The following CTNNA3 variants were observed in gnomAD, a reference collection of about 807,000 sequenced individuals.
The protein encoded by CTNNA3 is catenin alpha-3.
In CTNNA3, 76 loss-of-function variants were observed where a neutral mutation model predicts 95.7. The ratio of observed to expected loss-of-function variants is 0.79; its 90% CI spans 0.66 to 0.96. The LOEUF (loss-of-function observed/expected upper bound fraction) is 0.96. Among genes scored for constraint, CTNNA3 ranks in the 40% least tolerant of loss-of-function variants. The pLI, the probability that CTNNA3 is intolerant of heterozygous loss-of-function variation, is 0.00. For synonymous variants in CTNNA3, 431 were observed against 374.4 expected, an observed-to-expected ratio of 1.15 and a Z score of -1.74; for missense variants, 1,191 against 1,089.8, an observed-to-expected ratio of 1.09 and a Z score of -1.31.
intron 7 of CTNNA3, among the ~76,000 whole-genome samples, chr10:67,161,673 T>C (rs1861557478): frequency 6.6e-6 from 1 of 152,000 alleles, no homozygotes. Context: ...AGATTAGACA[T>C]AATCCTTACC....
intron 15 of CTNNA3, among the ~76,000 whole-genome samples, chr10:65,999,063 G>T (rs1337775950): frequency 6.6e-6 from 1 of 152,058 alleles, no homozygotes; most frequent in Non-Finnish European, 1.5e-5. Flanking sequence ...CTCTGAATCT[G>T]CTGACAAAGA....
intron 9 of CTNNA3, among the ~76,000 whole-genome samples, chr10:66,652,379 A>G (rs561269676): frequency 6.6e-6 from 1 of 152,284 alleles, no homozygotes; most frequent in South Asian, 2.1e-4. Flanking sequence ...ATATTTCAAT[A>G]ATTGAATAAC....
intron 11 of CTNNA3, among the ~76,000 whole-genome samples, chr10:66,442,307 C>T (rs532596475): frequency 1.3e-5 from 2 of 151,966 alleles, no homozygotes; most frequent in African/African-American, 2.4e-5. Context: ...GTCCTGGAAC[C>T]AACCCCCCAT....
At chr10:66,271,040 C>T (rs184876076) in intron 13 of CTNNA3, among the ~76,000 whole-genome samples, 13 of 152,262 alleles carry the variant, frequency 8.5e-5, no homozygotes, top group Non-Finnish European at 1.5e-4. Context: ...CTGTTGTATT[C>T]TCCTATGGTA....
chr10:67,040,888 A>G (rs1036370987), intron 7 of CTNNA3, among the ~76,000 whole-genome samples: 7 of 152,172 alleles, frequency 4.6e-5, no homozygotes, highest in Non-Finnish European at 8.8e-5. Flanking sequence ...CCAAAGAGAC[A>G]AAGATAAAAA....
chr10:66,120,403 A>G lies in CTNNA3; in HGVS notation c.1885-17154T>C, dbSNP rs2082528062. On this transcript the variant is annotated intron_variant, in intron 13 of 17. Coordinates refer to ENST00000433211, the MANE Select transcript of CTNNA3 (RefSeq NM_013266.4). ...AAATATTAAGTATACTGTCTAGTTA[A>G]TACTGTTAGAATTACATTAAATAAA... 3.3e-5 allele frequency among the ~76,000 whole-genome samples: 5 copies of G among 152,162 alleles called. 1 individual carries two copies. In the South Asian group the frequency reaches 1.0e-3, roughly 31 times the overall value.
intron 13 of CTNNA3, among the ~76,000 whole-genome samples, chr10:66,256,608 C>A (rs2132086352): frequency 6.6e-6 from 1 of 152,018 alleles, no homozygotes; most frequent in East Asian, 1.9e-4. Flanking sequence ...GTAATCCCAG[C>A]TACTCAGGAG....
chr10:67,750,886 T>C (rs1841403368), intron 1 of CTNNA3: 2 of 1,610,714 alleles, frequency 1.2e-6, no homozygotes, highest in African/African-American at 1.3e-5. Context: ...GTACTGCCAC[T>C]CCAAGGGCAT....
chr10:66,988,387 C>T (rs150844182), intron 7 of CTNNA3, among the ~76,000 whole-genome samples: 1 of 152,092 alleles, frequency 6.6e-6, no homozygotes, highest in African/African-American at 2.4e-5. Context: ...TAAGCCAATA[C>T]AATGATTTTC....
At chr10:67,472,559 G>C (rs1255043372) in intron 5 of CTNNA3, among the ~76,000 whole-genome samples, 1 of 152,146 alleles carries the variant, frequency 6.6e-6, no homozygotes, top group Non-Finnish European at 1.5e-5. Context: ...AGTTAACTCT[G>C]TATGGTCTGG....
intron 12 of CTNNA3, among the ~76,000 whole-genome samples, chr10:66,320,460 G>A (rs930159669): frequency 6.6e-6 from 1 of 152,204 alleles, no homozygotes; most frequent in African/African-American, 2.4e-5. Flanking sequence ...TTCAGCCAAT[G>A]TAAACTGAAT....
At chr10:67,308,655 C>G (rs1052965446) in intron 5 of CTNNA3, among the ~76,000 whole-genome samples, 1 of 152,006 alleles carries the variant, frequency 6.6e-6, no homozygotes, top group South Asian at 2.1e-4. Flanking sequence ...ATTAAACATT[C>G]CATTTAAGAG....
At chr10:66,419,185 C>CA (rs1388410701) in intron 11 of CTNNA3, among the ~76,000 whole-genome samples, 1 of 151,912 alleles carries the variant, frequency 6.6e-6, no homozygotes, top group Non-Finnish European at 1.5e-5. Flanking sequence ...CTACAGGATA[C>CA]AAAATCAACA....
intron 10 of CTNNA3, among the ~76,000 whole-genome samples, chr10:66,543,473 T>C (rs1841931139): frequency 6.6e-6 from 1 of 152,146 alleles, no homozygotes. Context: ...GGGGTTTAAG[T>C]TATTTTAAGT....
chr10:67,721,055 C>T (rs1381598147), intron 1 of CTNNA3, among the ~76,000 whole-genome samples: 1 of 152,136 alleles, frequency 6.6e-6, no homozygotes, highest in East Asian at 1.9e-4. Flanking sequence ...GTGGGTAACC[C>T]AACCTTTCTC....
At chr10:67,716,674 G>T (rs1455918279) in intron 1 of CTNNA3, among the ~76,000 whole-genome samples, 1 of 152,152 alleles carries the variant, frequency 6.6e-6, no homozygotes, top group Non-Finnish European at 1.5e-5. Context: ...TGGCTGCATA[G>T]TATTCCATGG....
chr10:67,177,745 T>A (rs1862314323), intron 7 of CTNNA3, among the ~76,000 whole-genome samples: 1 of 152,054 alleles, frequency 6.6e-6, no homozygotes, highest in Non-Finnish European at 1.5e-5. Context: ...AAACCTGGAG[T>A]GACAGTAAAC....
chr10:66,321,033 T>C (rs1174873936), intron 12 of CTNNA3, among the ~76,000 whole-genome samples: 1 of 152,036 alleles, frequency 6.6e-6, no homozygotes, highest in Non-Finnish European at 1.5e-5. Flanking sequence ...CCAATGCCCA[T>C]CACAAATAGC....
intron 11 of CTNNA3, among the ~76,000 whole-genome samples, chr10:66,515,928 C>G (rs1334756088): frequency 6.6e-6 from 1 of 152,070 alleles, no homozygotes; most frequent in Non-Finnish European, 1.5e-5. Context: ...CCATATCAAT[C>G]ATTCTTCACA....
Sources: gnomAD v4.1 joint callset for allele counts (sites outside exome capture counted in the v4.1 genomes callset) on GRCh38, gnomAD v4.1.1 for gene constraint, MANE v1.5 for transcripts, NCBI Gene and HGNC (gene_info 2026-07-23, HGNC 2026-07-21) for gene names.